Variants in SSBP4 observed in about 807,000 individuals in gnomAD.
SSBP4 encodes single stranded DNA binding protein 4.
SSBP4 carries 33 observed loss-of-function variants against 64.6 expected under a neutral mutation model. That is an observed-to-expected ratio of 0.51 (90% confidence interval 0.39 to 0.68). SSBP4 has a LOEUF of 0.68. SSBP4 is among the 30% of genes least tolerant of loss of function. The probability of loss-of-function intolerance (pLI) is 0.00; values close to 1 mark genes in which losing one functional copy is unlikely to be tolerated. For missense variants in SSBP4, 583 were observed against 566.8 expected (o/e 1.03, Z -0.29); for synonymous variants, 243 against 224.0 (o/e 1.08, Z -0.76).
chr19:18,419,361 G>A, upstream of SSBP4: 2 of 1,023,328 alleles, frequency 2.0e-6, no homozygotes, highest in South Asian at 4.6e-5. Context: ...TAGAGGCAGC[G>A]GGCGGGGGCG....
At position 18,427,511 on chromosome 19, in the gene SSBP4, G is replaced by A. The variant is rs112975546; in HGVS notation, c.132+88G>A. On this transcript the variant is annotated intron_variant, in intron 2 of 17. Coordinates refer to ENST00000270061, the MANE Select transcript of SSBP4 (RefSeq NM_032627.5). The surrounding 1 kb of genome is among the most constrained non-coding windows in gnomAD (Gnocchi z 4.4). ...CACTGGGGATCCAGGGGGTGGGCCCGCGTTGCCCCTCTGATGGCCCTGGGA... is the reference window on the plus strand; with the variant it reads ...CACTGGGGATCCAGGGGGTGGGCCCACGTTGCCCCTCTGATGGCCCTGGGA... 5.7e-3 allele frequency: 8,479 copies of A among 1,493,260 alleles called. 48 individuals carry two copies. Among genetic ancestry groups the A allele is most frequent in the African/African-American group, 0.028 (2,028 of 72,816 alleles). The allele number at this position is 1,493,260 out of a possible 1,614,324, so 92.5% of individuals were successfully genotyped here. A position where few individuals can be genotyped will look rare whatever the true frequency, so the allele number is the denominator to read the frequency against.
the SSBP4 span, among the ~76,000 whole-genome samples, chr19:18,402,741 A>T: frequency 6.6e-6 from 1 of 152,106 alleles, no homozygotes; most frequent in Non-Finnish European, 1.5e-5. Flanking sequence ...TTCTCGAGTA[A>T]CCAGGGGCAC....
rs759178941 is a variant in SSBP4, at chr19:18,427,357, G to A, written c.66G>A (p.Ala22=). ...GGCCGCCTCGCCCCCACAGGTTGGC[G>A]CTGTACGTTTATGAGTACCTGCTGC... ...PSDSQAREKL[A]LYVYEYLLHI... is the part of the protein sequence containing the mutation. The change falls in exon 2 of 18, where the codon GCG becomes GCA. Residue 22 remains alanine (A), a synonymous_variant. Transcript: ENST00000270061. This position sits in a 1 kb window ranked among gnomAD's most constrained non-coding sequence, Gnocchi z 4.4. 1.1e-5 allele frequency: 17 copies of A among 1,610,166 alleles called. No homozygotes were observed. The highest frequency in any genetic ancestry group is 1.4e-5 in the Non-Finnish European group (16 of 1,179,866).
chr19:18,429,509 G>A (rs971056035), intron 4 of SSBP4, among the ~76,000 whole-genome samples: 1 of 151,918 alleles, frequency 6.6e-6, no homozygotes, highest in African/African-American at 2.4e-5. Context: ...ACCAGGAAAC[G>A]CTCAGGCACC....
At chr19:18,434,036 C>G in intron 17 of SSBP4, 181 bp from the exon 18 acceptor site, 2 of 1,302,652 alleles carry the variant, frequency 1.5e-6, no homozygotes, top group Non-Finnish European at 1.9e-6. Context: ...GCCCCCACCC[C>G]GGGACCCGCG....
the SSBP4 span, among the ~76,000 whole-genome samples, chr19:18,413,077 G>A: frequency 6.6e-6 from 1 of 152,084 alleles, no homozygotes; most frequent in African/African-American, 2.4e-5. Context: ...GGACAGCTGG[G>A]GGACAGTGTA....
chr19:18,428,978 C>T (rs955019741), intron 4 of SSBP4, among the ~76,000 whole-genome samples: 2 of 152,236 alleles, frequency 1.3e-5, no homozygotes, highest in Admixed American at 6.5e-5. Flanking sequence ...TGGGCGCCCC[C>T]CGCCGGGCCA....
chr19:18,424,924 C>G (rs1191137998), intron 1 of SSBP4, among the ~76,000 whole-genome samples: 2 of 151,942 alleles, frequency 1.3e-5, no homozygotes, highest in Admixed American at 6.5e-5. Context: ...CTCTAGATGT[C>G]AAGTGAACAG....
chr19:18,430,081 A>G (rs946340793), intron 4 of SSBP4, among the ~76,000 whole-genome samples: 1 of 152,068 alleles, frequency 6.6e-6, no homozygotes, highest in African/African-American at 2.4e-5. Flanking sequence ...GACCCCAGAG[A>G]GAGCCCATCA....
In SSBP4 at chr19:18,432,978, A is replaced by G; in HGVS notation, c.847A>G (p.Thr283Ala). The G allele has an allele frequency of 6.2e-7, 1 of 1,614,126 alleles. No homozygotes were observed. The highest frequency in any genetic ancestry group is 8.5e-7 in the Non-Finnish European group (1 of 1,180,010). Residue 283 changes from threonine to alanine, a missense_variant, in exon 14 of 18, where the codon ACC becomes GCC. This residue lies in a region of SSBP4 where 444 missense variants were observed against 386.6 expected (regional missense o/e 1.15). Transcript: ENST00000270061. ...TPIMPSPGDS[T>A]NSSENMYTIM... is the part of the protein sequence containing the mutation. Reference sequence around the variant, plus strand: ...ACCCTTCTGGTCTCCCCCAGATTCCACCAACTCCAGCGAAAACATGTACAC... The same window carrying G: ...ACCCTTCTGGTCTCCCCCAGATTCCGCCAACTCCAGCGAAAACATGTACAC...
intron 4 of SSBP4, 28 bp from the exon 5 acceptor site, chr19:18,430,813 G>A (rs1234896309): frequency 1.3e-6 from 2 of 1,594,308 alleles, no homozygotes; most frequent in Admixed American, 1.7e-5. Context: ...TCCTGACCTG[G>A]CCCTCTGGGT....
At chr19:18,409,517 A>G in the SSBP4 span, among the ~76,000 whole-genome samples, 1 of 151,928 alleles carries the variant, frequency 6.6e-6, no homozygotes, top group Non-Finnish European at 1.5e-5. Flanking sequence ...TTACTTTCTT[A>G]ATAAATTTGA....
intron 4 of SSBP4, 74 bp downstream of exon 4, chr19:18,428,056 T>TGGGGGGG: frequency 2.3e-6 from 1 of 444,260 alleles, no homozygotes; most frequent in East Asian, 4.7e-5. Context: ...GGAGGTGGGG[T>TGGGGGGG]GGGGGGCTGC....
chr19:18,427,513 G>A lies in SSBP4; in HGVS notation c.132+90G>A, dbSNP rs1224794250. ...CTGGGGATCCAGGGGGTGGGCCCGC[G>A]TTGCCCCTCTGATGGCCCTGGGAAC... is the stretch of plus-strand genomic sequence containing the variant. On this transcript the variant is annotated intron_variant, in intron 2 of 17. Coordinates refer to ENST00000270061, the MANE Select transcript of SSBP4 (RefSeq NM_032627.5). The surrounding 1 kb of genome is among the most constrained non-coding windows in gnomAD (Gnocchi z 4.4). 5.4e-6 allele frequency: 8 copies of A among 1,486,400 alleles called. No individual in the cohort carries two copies. The highest frequency in any genetic ancestry group is 2.8e-5 in the African/African-American group (2 of 72,534). 92.1% of individuals were successfully genotyped at this position (1,486,400 alleles called of 1,614,324 possible).
intron 10 of SSBP4, 48 bp from the exon 11 acceptor site, chr19:18,432,511 G>C (rs764720797): frequency 6.5e-7 from 1 of 1,534,514 alleles, no homozygotes; most frequent in Non-Finnish European, 8.8e-7. Flanking sequence ...TGAGGGCTGT[G>C]ATCCACATGG....
intron 1 of SSBP4, among the ~76,000 whole-genome samples, chr19:18,424,408 CAG>C (rs1972695700): frequency 6.6e-6 from 1 of 152,182 alleles, no homozygotes; most frequent in Admixed American, 6.5e-5. Flanking sequence ...GGGCCCAAGA[CAG>C]AGACTCTCAG....
At chr19:18,433,505 G>T in intron 15 of SSBP4, 80 bp from the exon 16 acceptor site, 1 of 1,526,328 alleles carries the variant, frequency 6.6e-7, no homozygotes, top group South Asian at 1.2e-5. Context: ...GGCAGCTTGC[G>T]AGGGTCGTTG....
At chr19:18,415,755 T>C (rs1001463396), upstream of SSBP4, among the ~76,000 whole-genome samples, 5 of 152,186 alleles carry the variant, frequency 3.3e-5, no homozygotes, top group Admixed American at 3.3e-4. Flanking sequence ...GGTGGGACTG[T>C]GCAGGGTGGA....
chr19:18,417,901 TG>T (rs1347140895), upstream of SSBP4, among the ~76,000 whole-genome samples: 1 of 136,628 alleles, frequency 7.3e-6, no homozygotes, highest in Admixed American at 7.1e-5. The surrounding 1 kb of genome is among the most constrained non-coding windows in gnomAD (Gnocchi z 5.4). Context: ...TCTCACGTAC[TG>T]GGGGGCGGCC....
Sources: allele counts gnomAD v4.1 joint callset (sites outside exome capture counted in the v4.1 genomes callset), GRCh38; gene constraint gnomAD v4.1.1; regional missense constraint gnomAD v4.1.1; non-coding constraint Gnocchi (gnomAD v3.1); transcripts MANE v1.5; gene names NCBI Gene and HGNC (gene_info 2026-07-23, HGNC 2026-07-21).